The following GRM7 variants were observed in gnomAD, a reference collection of about 807,000 sequenced individuals.
The protein encoded by GRM7 is metabotropic glutamate receptor 7.
Under a neutral mutation model 84.5 loss-of-function variants are expected in GRM7, and 35 were observed. The observed-to-expected ratio is 0.41, with a 90% CI of 0.32 to 0.55. The LOEUF (loss-of-function observed/expected upper bound fraction) is 0.55. GRM7 is among the 20% of genes least tolerant of loss of function. The pLI, the probability that GRM7 is intolerant of heterozygous loss-of-function variation, is 0.19. For synonymous variants in GRM7, 487 were observed against 455.1 expected, an observed-to-expected ratio of 1.07 and a Z score of -0.89; for missense variants, 1,003 against 1,194.6, an observed-to-expected ratio of 0.84 and a Z score of 2.36.
chr3:7,299,152 A>G (rs1575136709), intron 3 of GRM7, among the ~76,000 whole-genome samples: 1 of 152,216 alleles, frequency 6.6e-6, no homozygotes, highest in African/African-American at 2.4e-5. Flanking sequence ...CTTAATGTAA[A>G]AGAAAAATGT....
chr3:6,974,887 G>A (rs1253346535), intron 1 of GRM7, among the ~76,000 whole-genome samples: 1 of 152,154 alleles, frequency 6.6e-6, no homozygotes, highest in East Asian at 1.9e-4. Context: ...AAATCATGGT[G>A]GAGGAGATAT....
intron 2 of GRM7, among the ~76,000 whole-genome samples, chr3:7,162,729 ATT>A (rs71063284): frequency 1.8e-5 from 1 of 54,670 alleles, no homozygotes; most frequent in African/African-American, 5.5e-5. Flanking sequence ...CCCATTTTTC[ATT>A]TTTTTTTTTT....
chr3:7,147,321 AC>A (rs1157288472), intron 2 of GRM7, among the ~76,000 whole-genome samples: 1 of 152,160 alleles, frequency 6.6e-6, no homozygotes, highest in Non-Finnish European at 1.5e-5. Flanking sequence ...GAAAAATGAG[AC>A]AAAATTCTTA....
At chr3:7,403,074 C>A in intron 4 of GRM7, 2 of 317,018 alleles carry the variant, frequency 6.3e-6, no homozygotes, top group South Asian at 2.7e-5. Context: ...AACCAGGCAA[C>A]ATGGTTCTTC....
chr3:7,231,835 C>T (rs573495804), intron 2 of GRM7, among the ~76,000 whole-genome samples: 17 of 152,278 alleles, frequency 1.1e-4, no homozygotes, highest in Admixed American at 9.2e-4. Context: ...CCCTTACTGC[C>T]CTCCAGCTGA....
Position 7,305,082 on chromosome 3 carries a change from T to C in GRM7, c.879-1416T>C, listed in dbSNP as rs138096486. 1.5e-3 allele frequency among the ~76,000 whole-genome samples: 227 copies of C among 152,290 alleles called. 2 individuals are homozygous for C. The highest frequency in any genetic ancestry group is 5.2e-3 in the African/African-American group (216 of 41,564). On this transcript the variant is annotated intron_variant, in intron 3 of 9. Coordinates refer to ENST00000357716, the MANE Select transcript of GRM7 (RefSeq NM_000844.4). ...ATGTATCAGATTTTTACAGAAAAAT[T>C]ATTTTCTACCTGGGGTGACAAACCC... is the stretch of plus-strand genomic sequence containing the variant.
chr3:7,487,942 C>T (rs1452395714), intron 7 of GRM7, among the ~76,000 whole-genome samples: 1 of 152,148 alleles, frequency 6.6e-6, no homozygotes, highest in Non-Finnish European at 1.5e-5. Flanking sequence ...ATGGGCTGTA[C>T]CCAGCAAAGC....
chr3:7,368,389 G>A (rs922638292), intron 4 of GRM7, among the ~76,000 whole-genome samples: 9 of 151,970 alleles, frequency 5.9e-5, no homozygotes, highest in African/African-American at 2.2e-4. Context: ...TATTATAAGT[G>A]TTTTTCAGTA....
At chr3:7,057,547 T>G (rs1279584470) in intron 1 of GRM7, among the ~76,000 whole-genome samples, 1 of 151,944 alleles carries the variant, frequency 6.6e-6, no homozygotes, top group Non-Finnish European at 1.5e-5. Context: ...AATCAAATGT[T>G]TTTTCTTCAA....
At position 7,415,208 on chromosome 3, in the gene GRM7, A is replaced by G. The variant is rs760844181; in HGVS notation, c.1174+45A>G. On this transcript the variant is annotated intron_variant, in intron 5 of 9. Coordinates refer to ENST00000357716, the MANE Select transcript of GRM7 (RefSeq NM_000844.4). ...CCTTCTCCTATTACTCTACGTGGCT[A>G]GCACTGACATGTCTGCATAGCTGAC... 5 of 1,535,320 alleles carry G rather than the reference A, an allele frequency of 3.3e-6. No individual in the cohort carries two copies. The East Asian group carries it at 9.0e-5, about 28-fold the overall frequency.
chr3:7,099,714 GTGCACATACATGTATA>G (rs1699030760), intron 1 of GRM7, among the ~76,000 whole-genome samples: 1 of 70,532 alleles, frequency 1.4e-5, no homozygotes, highest in African/African-American at 1.9e-4. Context: ...CATTATACAT[GTGCACATACATGTATA>G]TGTACACGCA....
chr3:6,921,004 A>G (rs2125031079), intron 1 of GRM7, among the ~76,000 whole-genome samples: 1 of 152,330 alleles, frequency 6.6e-6, no homozygotes, highest in East Asian at 1.9e-4. Flanking sequence ...AAATAGCAGC[A>G]TTTGCTTCTG....
At chr3:7,107,728 A>C (rs1456846569) in intron 1 of GRM7, among the ~76,000 whole-genome samples, 4 of 152,092 alleles carry the variant, frequency 2.6e-5, no homozygotes. Context: ...CAAGAAGTTA[A>C]CTGTTATTTA....
At chr3:7,370,443 T>A (rs1157725829) in intron 4 of GRM7, among the ~76,000 whole-genome samples, 1 of 152,176 alleles carries the variant, frequency 6.6e-6, no homozygotes, top group Admixed American at 6.6e-5. Context: ...GTGACTTGGC[T>A]GTCATTCTCT....
At chr3:6,881,634 G>T (rs1158791357) in intron 1 of GRM7, among the ~76,000 whole-genome samples, 1 of 151,802 alleles carries the variant, frequency 6.6e-6, no homozygotes, top group Non-Finnish European at 1.5e-5. Context: ...CAAAGGACAT[G>T]AACAGATACT....
intron 1 of GRM7, among the ~76,000 whole-genome samples, chr3:7,019,130 G>A (rs577660834): frequency 3.3e-5 from 5 of 152,300 alleles, no homozygotes; most frequent in African/African-American, 1.2e-4. Flanking sequence ...TGAATTTAAA[G>A]TTTGTGAAAA....
In GRM7 at chr3:7,425,851, A is replaced by T. The variant is rs143551335; in HGVS notation, c.1174+10688A>T. On this transcript the variant is annotated intron_variant, in intron 5 of 9. Transcript: ENST00000357716. ...CTCCTTTTGTGCTGAAGTGTACAGA[A>T]ATCACTATGACAAGTAGTTATTGGA... is the stretch of plus-strand genomic sequence containing the variant. 4.1e-3 allele frequency among the ~76,000 whole-genome samples: 632 copies of T among 152,300 alleles called. 9 individuals are homozygous for T. The highest frequency in any genetic ancestry group is 0.015 in the African/African-American group (606 of 41,576).
At chr3:7,412,895 C>A (rs1339012911) in intron 4 of GRM7, among the ~76,000 whole-genome samples, 1 of 152,000 alleles carries the variant, frequency 6.6e-6, no homozygotes, top group Non-Finnish European at 1.5e-5. Flanking sequence ...AAATACCTGA[C>A]AATTTAACTA....
chr3:7,708,040 A>G (rs1250270427), intron 9 of GRM7, among the ~76,000 whole-genome samples: 1 of 149,324 alleles, frequency 6.7e-6, no homozygotes, highest in Non-Finnish European at 1.5e-5. Flanking sequence ...TGGGAATATC[A>G]TGGAACACTC....
Sources: gnomAD v4.1 joint callset for allele counts (sites outside exome capture counted in the v4.1 genomes callset) on GRCh38, gnomAD v4.1.1 for gene constraint, MANE v1.5 for transcripts, NCBI Gene and HGNC (gene_info 2026-07-23, HGNC 2026-07-21) for gene names.